Variants in KMO observed in about 807,000 individuals in gnomAD.
KMO encodes the protein kynurenine 3-hydroxylase.
Under a neutral mutation model 57.8 loss-of-function variants are expected in KMO, and 24 were observed. That is an observed-to-expected ratio of 0.42 (90% CI 0.30 to 0.58). KMO has a LOEUF of 0.58. KMO is among the 20% of genes least tolerant of loss of function. KMO has a pLI of 0.22. For missense variants in KMO, 483 were observed against 588.2 expected (o/e 0.82, Z 1.85); for synonymous variants, 210 against 193.6 (o/e 1.08, Z -0.70).
rs961028476 is a variant in KMO at position 241,562,096 on chromosome 1, T to A, written c.450-71T>A. On this transcript the variant is annotated intron_variant, in intron 6 of 14. Coordinates refer to ENST00000366559, the MANE Select transcript of KMO (RefSeq NM_003679.5). ...TTATCTATGGAGCCACTACTTCTCATACCCAGAGGTACATCATCATTTTCA... is the reference window on the plus strand; with the variant it reads ...TTATCTATGGAGCCACTACTTCTCAAACCCAGAGGTACATCATCATTTTCA... 159 of 1,340,614 alleles carry A rather than the reference T, an allele frequency of 1.2e-4. 1 individual carries two copies. The African/African-American group carries it at 2.1e-3, about 18-fold the overall frequency. The allele number at this position is 1,340,614 out of a possible 1,614,324, so 83.0% of individuals were successfully genotyped here.
intron 10 of KMO, among the ~76,000 whole-genome samples, chr1:241,585,985 A>C (rs1662963161): frequency 1.3e-5 from 2 of 152,072 alleles, no homozygotes; most frequent in South Asian, 4.1e-4. Context: ...AAATTGCTCT[A>C]AATATGAATC....
chr1:241,577,795 T>A (rs938524034), intron 10 of KMO, among the ~76,000 whole-genome samples: 1 of 152,156 alleles, frequency 6.6e-6, no homozygotes, highest in Admixed American at 6.5e-5. Flanking sequence ...AAATGCAATA[T>A]GAAATGTTGG....
intron 1 of KMO, among the ~76,000 whole-genome samples, chr1:241,539,972 C>A (rs1660902329): frequency 6.6e-6 from 1 of 152,120 alleles, no homozygotes; most frequent in Admixed American, 6.5e-5. Flanking sequence ...ACACTGCCTA[C>A]AATCAAATGT....
Position 241,534,466 on chromosome 1 carries a change from G to A in KMO, c.54+1968G>A, listed in dbSNP as rs571800033. Among the ~76,000 whole-genome samples the A allele has an allele frequency of 1.6e-3, 249 of 152,286 alleles. 2 individuals are homozygous for A. Among genetic ancestry groups the A allele is most frequent in the Middle Eastern group, 6.8e-3 (2 of 294 alleles). On this transcript the variant is annotated intron_variant, in intron 1 of 14. Coordinates refer to ENST00000366559, the MANE Select transcript of KMO (RefSeq NM_003679.5). Reference sequence around the variant, plus strand: ...ATAGGAGACAAAAATTACTACTTGCGTATTAGGGAGCAACTAAAATTCCTC... The same window carrying A: ...ATAGGAGACAAAAATTACTACTTGCATATTAGGGAGCAACTAAAATTCCTC...
chr1:241,556,893 AAAT>A lies in KMO; in HGVS notation c.361+1257_361+1259del, dbSNP rs565628211. Among the ~76,000 whole-genome samples, 1,022 of 150,744 alleles carry A rather than the reference AAAT, an allele frequency of 6.8e-3. 13 individuals are homozygous for A. The highest frequency in any genetic ancestry group is 0.023 in the African/African-American group (946 of 41,138). On this transcript the variant is annotated intron_variant, in intron 5 of 14. Transcript: ENST00000366559. ...GACAGAGCGAGACTCAGTCCCAATA[AAAT>A]AATAATAATAATAATAATAATAAAG...
At chr1:241,574,607 A>G (rs931244206) in intron 10 of KMO, among the ~76,000 whole-genome samples, 1 of 151,738 alleles carries the variant, frequency 6.6e-6, no homozygotes, top group African/African-American at 2.4e-5. Context: ...CTGTATCCCT[A>G]GGATGAAATC....
At chr1:241,585,183 T>A (rs1277168314) in intron 10 of KMO, among the ~76,000 whole-genome samples, 1 of 152,050 alleles carries the variant, frequency 6.6e-6, no homozygotes, top group Non-Finnish European at 1.5e-5. Flanking sequence ...GAGCCGAGAT[T>A]GTGCCACTGC....
At position 241,565,064 on chromosome 1, in the gene KMO, A is replaced by G. The variant is rs1487749573; in HGVS notation, c.687+6A>G. 3.9e-6 allele frequency: 6 copies of G among 1,545,402 alleles called. No homozygotes were observed. The highest frequency in any genetic ancestry group is 5.4e-6 in the Non-Finnish European group (6 of 1,120,066). On this transcript the variant is annotated splice_donor_region_variant and intron_variant, in intron 8 of 14. Transcript: ENST00000366559. ...TGATTGCACTTCCTAACATGGTAGT[A>G]TAGAATTTTTTATCAACTGTAATTT...
chr1:241,556,541 G>A (rs12089621), intron 5 of KMO, among the ~76,000 whole-genome samples: 7,975 of 152,196 alleles, frequency 0.052, 604 homozygotes, highest in African/African-American at 0.17. Context: ...ACACTCTAAT[G>A]GAACGACAGA....
intron 4 of KMO, among the ~76,000 whole-genome samples, chr1:241,551,878 T>G (rs907165399): frequency 6.6e-6 from 1 of 152,154 alleles, no homozygotes; most frequent in Non-Finnish European, 1.5e-5. Flanking sequence ...GTCTGATTCA[T>G]TAGGACTGGG....
At chr1:241,560,165 C>G (rs1573918510) in intron 5 of KMO, among the ~76,000 whole-genome samples, 2 of 152,126 alleles carry the variant, frequency 1.3e-5, no homozygotes, top group East Asian at 3.8e-4. Flanking sequence ...ACTCATTTTC[C>G]CCCTAACTAT....
chr1:241,549,207 A>AAGAG (rs1372629185), intron 2 of KMO, among the ~76,000 whole-genome samples: 1 of 3,258 alleles, frequency 3.1e-4, no homozygotes, highest in Non-Finnish European at 2.0e-3. Context: ...AAAAGGAAGA[A>AAGAG]AGAAAGAAAG....
intron 1 of KMO, among the ~76,000 whole-genome samples, chr1:241,539,229 A>G (rs894119490): frequency 6.6e-6 from 1 of 151,996 alleles, no homozygotes; most frequent in Admixed American, 6.6e-5. Context: ...CTGAAACACA[A>G]AAAAATTAGC....
At position 241,592,120 on chromosome 1, in the gene KMO, C is replaced by T. The variant is rs767163911; in HGVS notation, c.1428C>T (p.Ser476=). ...TTCFPAKAVD[S]LEQISNLISR ...GTTTCCCCGCAAAGGCCGTGGACTC[C>T]CTAGAACAAATTTCCAATCTCATTA... The change falls in exon 15 of 15, where the codon TCC becomes TCT. Residue 476 remains serine (S), a synonymous_variant. Transcript: ENST00000366559. 7 of 1,613,794 alleles carry T rather than the reference C, an allele frequency of 4.3e-6. No individual in the cohort carries two copies. The highest frequency in any genetic ancestry group is 1.1e-5 in the South Asian group (1 of 91,076).
chr1:241,587,569 G>A (rs954885775), intron 11 of KMO, among the ~76,000 whole-genome samples: 3 of 152,020 alleles, frequency 2.0e-5, no homozygotes, highest in African/African-American at 7.3e-5. Flanking sequence ...TCAGCCTCCA[G>A]AGTAGCTGGG....
At chr1:241,574,137 G>A (rs1290270991) in intron 10 of KMO, among the ~76,000 whole-genome samples, 1 of 152,064 alleles carries the variant, frequency 6.6e-6, no homozygotes, top group Non-Finnish European at 1.5e-5. Context: ...AGTCTTTAAT[G>A]AATTCATTTA....
intron 4 of KMO, among the ~76,000 whole-genome samples, chr1:241,554,203 A>AT (rs1661514910): frequency 6.6e-6 from 1 of 151,520 alleles, no homozygotes; most frequent in East Asian, 1.9e-4. Context: ...ATTATTACAT[A>AT]TTTTTTATTA....
chr1:241,560,816 A>C, intron 6 of KMO, 64 bp downstream of exon 6: 1 of 1,048,102 alleles, frequency 9.5e-7, no homozygotes, highest in Non-Finnish European at 1.5e-6. Context: ...TGTATCTGCA[A>C]ACTTTGTTCT....
rs1246028806 is a variant in KMO at position 241,592,727 on chromosome 1, T to G, written c.*574T>G. ...TTATCATCTATCTGTTTATCGTCTA[T>G]CTATCTATCATCTATCTATCTATCT... On this transcript the variant is annotated 3_prime_UTR_variant, in exon 15 of 15. Transcript: ENST00000366559. The G allele has an allele frequency of 6.4e-6, 1 of 155,090 alleles. No homozygotes were observed. Among genetic ancestry groups the G allele is most frequent in the South Asian group, 2.0e-4 (1 of 5,076 alleles). 9.6% of individuals were successfully genotyped at this position (155,090 alleles called of 1,614,324 possible).
Sources: allele counts gnomAD v4.1 joint callset (sites outside exome capture counted in the v4.1 genomes callset), GRCh38; gene constraint gnomAD v4.1.1; transcripts MANE v1.5; gene names NCBI Gene and HGNC (gene_info 2026-07-23, HGNC 2026-07-21).